Variants in SLC12A8 observed in about 807,000 individuals in gnomAD.
The protein encoded by SLC12A8 is solute carrier family 12 member 8.
Under a neutral mutation model 75.6 loss-of-function variants are expected in SLC12A8, and 69 were observed. The observed-to-expected ratio is 0.91, with a 90% CI of 0.75 to 1.11. SLC12A8 has a LOEUF of 1.11. Ranked by LOEUF, SLC12A8 falls within the 50% of genes most tolerant of loss-of-function variation. The pLI, the probability that SLC12A8 is intolerant of heterozygous loss-of-function variation, is 0.00. For synonymous variants in SLC12A8, 365 were observed against 372.8 expected (o/e 0.98, Z 0.24); for missense variants, 877 against 896.7 (o/e 0.98, Z 0.28).
chr3:125,207,409 G>A (rs1039728155), intron 2 of SLC12A8, among the ~76,000 whole-genome samples: 8 of 152,212 alleles, frequency 5.3e-5, no homozygotes, highest in African/African-American at 1.9e-4. Flanking sequence ...CCAACCCTGA[G>A]AGAAGAAAGA....
intron 5 of SLC12A8, among the ~76,000 whole-genome samples, chr3:125,150,332 G>A (rs1423465383): frequency 6.6e-6 from 1 of 152,182 alleles, no homozygotes; most frequent in Non-Finnish European, 1.5e-5. Flanking sequence ...AAGCAAGGCT[G>A]GTTACTCCAA....
chr3:125,170,410 A>G (rs571880989), intron 5 of SLC12A8, among the ~76,000 whole-genome samples: 10 of 152,404 alleles, frequency 6.6e-5, no homozygotes, highest in African/African-American at 2.4e-4. Context: ...CTTTAAATAT[A>G]AAGTATTTTA....
chr3:125,106,176 G>A (rs1939017556), intron 10 of SLC12A8, among the ~76,000 whole-genome samples: 1 of 152,058 alleles, frequency 6.6e-6, no homozygotes, highest in African/African-American at 2.4e-5. Flanking sequence ...TAAAAGAGTA[G>A]GAACTACTGT....
intron 8 of SLC12A8, among the ~76,000 whole-genome samples, chr3:125,111,779 GAC>G (rs903883796): frequency 1.3e-5 from 2 of 152,076 alleles, no homozygotes; most frequent in African/African-American, 4.8e-5. Context: ...AATCAGTCAG[GAC>G]AGTTGATTGG....
chr3:125,140,864 C>G (rs1042261674), intron 5 of SLC12A8, among the ~76,000 whole-genome samples: 1 of 152,182 alleles, frequency 6.6e-6, no homozygotes, highest in Non-Finnish European at 1.5e-5. Context: ...GGATTACAGG[C>G]GTGAGCCACC....
intron 2 of SLC12A8, among the ~76,000 whole-genome samples, chr3:125,195,592 G>GTT (rs1216932209): frequency 9.0e-5 from 12 of 133,270 alleles, no homozygotes; most frequent in East Asian, 2.4e-4. Context: ...GACTCAATCT[G>GTT]TTGTTTTTTT....
chr3:125,101,787 A>G (rs2107738112), intron 10 of SLC12A8, among the ~76,000 whole-genome samples: 1 of 152,368 alleles, frequency 6.6e-6, no homozygotes, highest in African/African-American at 2.4e-5. Context: ...TGGTTTGTCA[A>G]CGATTAGGTT....
At chr3:125,099,014 T>C (rs994708368) in intron 10 of SLC12A8, among the ~76,000 whole-genome samples, 2 of 152,202 alleles carry the variant, frequency 1.3e-5, no homozygotes, top group Middle Eastern at 3.2e-3. Context: ...CCTGGATGAC[T>C]AGAAAACTAC....
chr3:125,123,097 G>A, intron 6 of SLC12A8, among the ~76,000 whole-genome samples: 1 of 151,974 alleles, frequency 6.6e-6, no homozygotes, highest in Non-Finnish European at 1.5e-5. Context: ...ACTTGAGGCT[G>A]GGTGTAATGG....
At chr3:125,200,252 C>A (rs773192039) in intron 2 of SLC12A8, among the ~76,000 whole-genome samples, 2 of 152,082 alleles carry the variant, frequency 1.3e-5, no homozygotes, top group Non-Finnish European at 2.9e-5. Context: ...AGTTTGAGAC[C>A]AGCCTGGGAA....
At position 125,110,246 on chromosome 3, in the gene SLC12A8, G is replaced by C; in HGVS notation, c.1002C>G (p.Ile334Met). The C allele has an allele frequency of 6.2e-7, 1 of 1,614,056 alleles. No individual in the cohort carries two copies. The highest frequency in any genetic ancestry group is 1.3e-5 in the African/African-American group (1 of 75,030). The change falls in exon 9 of 14, where the codon ATC (isoleucine) becomes ATG (methionine). Residue 334 changes from isoleucine (I) to methionine (M), a missense_variant. Ile to Met is a conservative substitution (Grantham distance 10). Coordinates refer to ENST00000469902, the MANE Select transcript of SLC12A8 (RefSeq NM_024628.6). ...CMGGLYGAPR[I>M]LQCIAQEKVI... Reference sequence around the variant, plus strand: ...CTTTCTCCTGGGCAATGCACTGCAGGATGCGGGGAGCTCCATAAAGTCCTC... The same window carrying C: ...CTTTCTCCTGGGCAATGCACTGCAGCATGCGGGGAGCTCCATAAAGTCCTC...
Position 125,083,948 on chromosome 3 carries a change from C to G in SLC12A8, c.2087G>C (p.Arg696Pro). 1 of 1,613,538 alleles carries G rather than the reference C, an allele frequency of 6.2e-7. No homozygotes were observed. The highest frequency in any genetic ancestry group is 8.5e-7 in the Non-Finnish European group (1 of 1,179,880). ...GAGGGAGGAGTGGTGGTAGCGATCC[C>G]GAGTGGCGAAGTCTGCATTCTCCTG... ...LTQENADFATRDRYHHSSLVN... is the reference protein window; with the variant it reads ...LTQENADFATPDRYHHSSLVN... Residue 696 changes from arginine (R) to proline (P), a missense_variant, in exon 14 of 14, where the codon CGG becomes CCG. Arg to Pro is a moderately radical substitution (Grantham distance 103, BLOSUM62 -2). Coordinates refer to ENST00000469902, the MANE Select transcript of SLC12A8 (RefSeq NM_024628.6).
At chr3:125,160,042 A>C (rs1421161674) in intron 5 of SLC12A8, among the ~76,000 whole-genome samples, 1 of 152,202 alleles carries the variant, frequency 6.6e-6, no homozygotes, top group Non-Finnish European at 1.5e-5. Flanking sequence ...CTTGGGCTCA[A>C]GTGATTCCTC....
intron 2 of SLC12A8, among the ~76,000 whole-genome samples, chr3:125,204,902 G>A (rs1304735597): frequency 6.6e-6 from 1 of 152,088 alleles, no homozygotes; most frequent in Non-Finnish European, 1.5e-5. Flanking sequence ...GCTGGCCTAG[G>A]AAAGACTGAC....
At chr3:125,203,898 C>G (rs1579546736) in intron 2 of SLC12A8, among the ~76,000 whole-genome samples, 1 of 152,068 alleles carries the variant, frequency 6.6e-6, no homozygotes, top group Non-Finnish European at 1.5e-5. Context: ...CATAAAATGA[C>G]TAATCCCATT....
At chr3:125,135,899 A>G in intron 5 of SLC12A8, 117 bp from the exon 6 acceptor site, 1 of 560,978 alleles carries the variant, frequency 1.8e-6, no homozygotes, top group Non-Finnish European at 3.1e-6. Context: ...AGGGGCATGT[A>G]TGTGACACAC....
chr3:125,155,814 C>T (rs1268402160), intron 5 of SLC12A8, among the ~76,000 whole-genome samples: 2 of 141,542 alleles, frequency 1.4e-5, no homozygotes, highest in Non-Finnish European at 3.0e-5. Context: ...AGTTGATGAA[C>T]CACTTTTCTT....
At chr3:125,141,074 T>G (rs1933619054) in intron 5 of SLC12A8, among the ~76,000 whole-genome samples, 2 of 151,922 alleles carry the variant, frequency 1.3e-5, no homozygotes, top group Admixed American at 1.3e-4. Context: ...GATCTGGGTT[T>G]GACCTGAACA....
intron 5 of SLC12A8, chr3:125,155,153 CT>C (rs1934019927): frequency 6.6e-6 from 1 of 152,150 alleles, no homozygotes; most frequent in Non-Finnish European, 1.5e-5. Context: ...CTGTGGTTGA[CT>C]ACGGGAAATG....
Sources: gnomAD v4.1 joint callset for allele counts (sites outside exome capture counted in the v4.1 genomes callset) on GRCh38, gnomAD v4.1.1 for gene constraint, MANE v1.5 for transcripts, NCBI Gene and HGNC (gene_info 2026-07-23, HGNC 2026-07-21) for gene names.